The following HHATL variants were observed in gnomAD, a reference collection of about 807,000 sequenced individuals.
The protein encoded by HHATL is protein-cysteine N-palmitoyltransferase HHAT-like protein.
In HHATL, 49 loss-of-function variants were observed where a neutral mutation model predicts 59.7. The ratio of observed to expected loss-of-function variants is 0.82; its 90% confidence interval spans 0.65 to 1.04. The LOEUF is 1.04. Ranked by LOEUF, HHATL falls within the 50% of genes least tolerant of loss-of-function variation. The pLI, the probability that HHATL is intolerant of heterozygous loss-of-function variation, is 0.00. For synonymous variants in HHATL, 238 were observed against 257.3 expected (o/e 0.93, Z 0.72); for missense variants, 605 against 650.8 (o/e 0.93, Z 0.77).
In HHATL at chr3:42,699,743, A is replaced by C. The variant is rs553185941; in HGVS notation, c.174+15T>G. On this transcript the variant is annotated intron_variant, in intron 3 of 11. Coordinates refer to ENST00000441594, the MANE Select transcript of HHATL (RefSeq NM_020707.4). The stretch of plus-strand genomic sequence containing the variant: ...GGTTCGGGATGGGAGGGACCCTGGG[A>C]TGTGGGGGACCTACCATCTTCCGGC... The C allele has an allele frequency of 2.2e-5, 34 of 1,572,792 alleles. No individual in the cohort carries two copies. In the South Asian group the frequency reaches 3.9e-4, roughly 18 times the overall value.
At chr3:42,695,376 C>G (rs1697561593) in intron 9 of HHATL, among the ~76,000 whole-genome samples, 1 of 152,222 alleles carries the variant, frequency 6.6e-6, no homozygotes, top group South Asian at 2.1e-4. Context: ...TGTCATCCAT[C>G]TGGGAGAGCC....
chr3:42,697,195 C>T, intron 7 of HHATL, 50 bp from the exon 8 acceptor site: 1 of 1,503,842 alleles, frequency 6.6e-7, no homozygotes, highest in African/African-American at 1.4e-5. Context: ...CTGGGGCCTG[C>T]CCCCATGAAG....
chr3:42,697,654 C>A lies in HHATL; in HGVS notation c.719G>T (p.Arg240Leu). The A allele has an allele frequency of 1.2e-6, 2 of 1,613,854 alleles. No homozygotes were observed. Among genetic ancestry groups the A allele is most frequent in the Non-Finnish European group, 8.5e-7 (1 of 1,179,798 alleles). The stretch of plus-strand genomic sequence containing the variant: ...TCGGATGTGCCACAGCTCACCCTCG[C>A]GTCTCACTGGCTCCACCTGGCTCAC... ...AQVSQVEPVR[R>L]EGELWHIRAQ... The change falls in exon 7 of 12, where the codon CGC (arginine) becomes CTC (leucine). Residue 240 changes from arginine (R) to leucine (L), a missense_variant. By Grantham distance (102) the Arg-to-Leu change is moderately radical (BLOSUM62 -2). Transcript: ENST00000441594.
Position 42,698,287 on chromosome 3 carries a change from G to T in HHATL, c.548C>A (p.Thr183Lys). ...EVLFHGGSSF[T>K]VLRCTSFALE... ...TGCAAAGCTGGTGCAACGCAGCACT[G>T]TGAAGCTGCTGCCCCCATGAAACAG... Residue 183 changes from threonine (T) to lysine (K), a missense_variant, in exon 6 of 12, where the codon ACA becomes AAA. By Grantham distance (78) the Thr-to-Lys change is moderately conservative (BLOSUM62 -1). Transcript: ENST00000441594. 6.2e-7 allele frequency: 1 copy of T among 1,614,094 alleles called. No homozygotes were observed. Among genetic ancestry groups the T allele is most frequent in the Non-Finnish European group, 8.5e-7 (1 of 1,179,968 alleles).
chr3:42,698,278 C>T lies in HHATL; in HGVS notation c.557G>A (p.Arg186His), dbSNP rs761217421. The T allele has an allele frequency of 3.2e-5, 51 of 1,613,968 alleles. 1 individual carries two copies. The Admixed American group carries it at 5.3e-4, about 17-fold the overall frequency. ...FHGGSSFTVLRCTSFALESCA... is the reference protein window; with the variant it reads ...FHGGSSFTVLHCTSFALESCA... Reference sequence around the variant, plus strand: ...GCTCTCCAGTGCAAAGCTGGTGCAACGCAGCACTGTGAAGCTGCTGCCCCC... The same window carrying T: ...GCTCTCCAGTGCAAAGCTGGTGCAATGCAGCACTGTGAAGCTGCTGCCCCC... Residue 186 changes from arginine to histidine, a missense_variant, in exon 6 of 12, where the codon CGT becomes CAT. Arg to His is a conservative substitution (Grantham distance 29). Transcript: ENST00000441594.
At chr3:42,696,625 G>A (rs1264272126) in intron 9 of HHATL, among the ~76,000 whole-genome samples, 3 of 152,148 alleles carry the variant, frequency 2.0e-5, no homozygotes, top group Non-Finnish European at 4.4e-5. Context: ...TGCTGACTGT[G>A]TGACCCTCCT....
At chr3:42,693,279 G>A in intron 10 of HHATL, 61 bp from the exon 11 acceptor site, 3 of 1,593,720 alleles carry the variant, frequency 1.9e-6, no homozygotes, top group Admixed American at 1.7e-5. Flanking sequence ...AGGACATGGT[G>A]GGTCAGCAGC....
intron 10 of HHATL, 129 bp from the exon 11 acceptor site, chr3:42,693,347 G>A: frequency 8.5e-7 from 1 of 1,170,580 alleles, no homozygotes; most frequent in Non-Finnish European, 1.2e-6. Context: ...AGAGCCCCAG[G>A]TCAGCTCTCC....
chr3:42,692,813 C>T lies in HHATL; in HGVS notation c.1453G>A (p.Glu485Lys), dbSNP rs1465486362. 2.5e-6 allele frequency: 4 copies of T among 1,614,236 alleles called. No individual in the cohort carries two copies. In the South Asian group the frequency reaches 4.4e-5, roughly 18 times the overall value. ...TCCAGTGCCAAGGTTCGCTCACGCT[C>T]CTTTACCAGCTGGACGCCACAGTAG... ...VTYCGVQLVK[E>K]RERTLALEEE... Residue 485 changes from glutamate (E) to lysine (K), a missense_variant, in exon 12 of 12, where the codon GAG becomes AAG. Physicochemically the swap from Glu to Lys is moderately conservative, Grantham distance 56 (BLOSUM62 1). Transcript: ENST00000441594.
intron 1 of HHATL, 93 bp downstream of exon 1, chr3:42,702,486 C>A (rs536006919): frequency 6.6e-6 from 1 of 152,650 alleles, no homozygotes; most frequent in Non-Finnish European, 1.5e-5. Context: ...GGGTAAAGCC[C>A]CTTTTGGGGC....
In HHATL at chr3:42,693,081, G is replaced by A; in HGVS notation, c.1386C>T (p.Leu462=). 6.2e-7 allele frequency: 1 copy of A among 1,614,176 alleles called. No individual in the cohort carries two copies. The highest frequency in any genetic ancestry group is 8.5e-7 in the Non-Finnish European group (1 of 1,180,020). Residue 462 remains leucine, a synonymous_variant, in exon 11 of 12, where the codon CTC becomes CTT. Transcript: ENST00000441594. ...FTELVARRLL[L]TGFPQTTLSI... ...CCCCACACCCCTGTCCCTCACCTGT[G>A]AGTAGCAGGCGCCGGGCAACCAGCT...
chr3:42,693,329 G>C (rs1697437955), intron 10 of HHATL, 111 bp from the exon 11 acceptor site: 1 of 1,376,724 alleles, frequency 7.3e-7, no homozygotes, highest in Non-Finnish European at 1.0e-6. Context: ...GCTATGTCTG[G>C]GTCTCGGAGA....
chr3:42,700,915 G>T, intron 1 of HHATL, 76 bp from the exon 2 acceptor site: 1 of 949,534 alleles, frequency 1.1e-6, no homozygotes, highest in Non-Finnish European at 1.7e-6. Context: ...CACCACCCCA[G>T]TGGGGACCCA....
chr3:42,697,020 G>A lies in HHATL; in HGVS notation c.991C>T (p.Leu331Phe). 6.2e-7 allele frequency: 1 copy of A among 1,603,894 alleles called. No homozygotes were observed. Among genetic ancestry groups the A allele is most frequent in the Middle Eastern group, 1.7e-4 (1 of 6,016 alleles). ...PPQPPKCITA[L>F]YVFAETHFDR... is the part of the protein sequence containing the mutation. ...ACTCACGTTTCCGCAAAGACGTAGA[G>A]TGCGGTGATGCACTTGGGAGGCTGG... Residue 331 changes from leucine to phenylalanine, a missense_variant, in exon 8 of 12, where the codon CTC becomes TTC. Physicochemically the swap from Leu to Phe is conservative, Grantham distance 22 (BLOSUM62 0). Transcript: ENST00000441594.
At chr3:42,697,453 G>A in intron 7 of HHATL, 55 bp downstream of exon 7, 1 of 1,565,888 alleles carries the variant, frequency 6.4e-7, no homozygotes, top group Non-Finnish European at 8.7e-7. Context: ...GGGGTGCAGA[G>A]GGTCTGTTTT....
Position 42,696,876 on chromosome 3 carries a change from G to A in HHATL, c.1012C>T (p.His338Tyr), listed in dbSNP as rs759834592. 1.2e-6 allele frequency: 2 copies of A among 1,614,184 alleles called. No individual in the cohort carries two copies. Among genetic ancestry groups the A allele is most frequent in the Non-Finnish European group, 1.7e-6 (2 of 1,180,018 alleles). Residue 338 changes from histidine to tyrosine, a missense_variant and splice_region_variant, in exon 9 of 12, where the codon CAC (histidine) becomes TAC (tyrosine). Coordinates refer to ENST00000441594, the MANE Select transcript of HHATL (RefSeq NM_020707.4). ...CAGTCGTTGATGCCACGGTCAAAGT[G>A]CCTGTAAGAGGAAAGCAGATGGGCA... ...ITALYVFAETHFDRGINDWLC... is the reference protein window; with the variant it reads ...ITALYVFAETYFDRGINDWLC...
chr3:42,698,323 A>C lies in HHATL; in HGVS notation c.512T>G (p.Leu171Arg), dbSNP rs746978470. 6.2e-7 allele frequency: 1 copy of C among 1,613,044 alleles called. No individual in the cohort carries two copies. Among genetic ancestry groups the C allele is most frequent in the South Asian group, 1.1e-5 (1 of 91,050 alleles). The change falls in exon 6 of 12, where the codon CTT becomes CGT. Residue 171 changes from leucine to arginine, a missense_variant. Physicochemically the swap from Leu to Arg is moderately radical, Grantham distance 102 (BLOSUM62 -2). Coordinates refer to ENST00000441594, the MANE Select transcript of HHATL (RefSeq NM_020707.4). ...GCCCCCATGAAACAGCACCTCTTGA[A>C]GATCAAAAGTGCCTGTTACAAACCC... ...QSGFVTGTFD[L>R]QEVLFHGGSS...
chr3:42,693,291 T>A (rs1697434910), intron 10 of HHATL, 73 bp from the exon 11 acceptor site: 2 of 1,575,038 alleles, frequency 1.3e-6, no homozygotes, highest in Non-Finnish European at 1.7e-6. Context: ...GTCAGCAGCC[T>A]TACCCACCTG....
At position 42,696,829 on chromosome 3, in the gene HHATL, C is replaced by A. The variant is rs532212986; in HGVS notation, c.1046+13G>T. On this transcript the variant is annotated intron_variant, in intron 9 of 11. Coordinates refer to ENST00000441594, the MANE Select transcript of HHATL (RefSeq NM_020707.4). The stretch of plus-strand genomic sequence containing the variant: ...AGGATGGCTGTGACCACCCCCACCC[C>A]ACTCCTACTCACTTGCAAAGCCAGT... 6 of 1,613,798 alleles carry A rather than the reference C, an allele frequency of 3.7e-6. No homozygotes were observed. Among genetic ancestry groups the A allele is most frequent in the East Asian group, 2.2e-5 (1 of 44,838 alleles).
Sources: allele counts gnomAD v4.1 joint callset (sites outside exome capture counted in the v4.1 genomes callset), GRCh38; gene constraint gnomAD v4.1.1; transcripts MANE v1.5; gene names NCBI Gene and HGNC (gene_info 2026-07-23, HGNC 2026-07-21).